The following GCA variants were observed in gnomAD, a reference collection of about 807,000 sequenced individuals.
GCA encodes grancalcin, also known as grancalcin, EF-hand calcium-binding protein.
Under a neutral mutation model 32.6 loss-of-function variants are expected in GCA, and 30 were observed. That is an observed-to-expected ratio of 0.92 (90% CI 0.69 to 1.25). GCA has a LOEUF of 1.25. GCA is among the 50% of genes most tolerant of loss of function. The probability of loss-of-function intolerance (pLI) is 0.00; values close to 1 mark genes in which losing one functional copy is unlikely to be tolerated. For missense variants in GCA, 291 were observed against 266.8 expected, an observed-to-expected ratio of 1.09 and a Z score of -0.63; for synonymous variants, 102 against 84.6, an observed-to-expected ratio of 1.21 and a Z score of -1.13.
At chr2:162,352,589 T>C (rs541206141) in intron 3 of GCA, among the ~76,000 whole-genome samples, 182 bp downstream of exon 3, 1 of 152,326 alleles carries the variant, frequency 6.6e-6, no homozygotes, top group African/African-American at 2.4e-5. Context: ...CCTGTCTCCT[T>C]AACATTAACT....
intron 1 of GCA, among the ~76,000 whole-genome samples, chr2:162,329,630 T>C (rs1279841616): frequency 1.3e-5 from 2 of 151,110 alleles, no homozygotes; most frequent in African/African-American, 4.8e-5. Context: ...ATATTTTTAA[T>C]GATAGGGATC....
At chr2:162,325,905 G>A (rs1237837045) in intron 1 of GCA, among the ~76,000 whole-genome samples, 1 of 152,170 alleles carries the variant, frequency 6.6e-6, no homozygotes, top group Non-Finnish European at 1.5e-5. Context: ...GGGAGACGGG[G>A]ACCTGGACCT....
intron 1 of GCA, among the ~76,000 whole-genome samples, chr2:162,328,758 T>G (rs1683977951): frequency 6.6e-6 from 1 of 152,258 alleles, no homozygotes; most frequent in African/African-American, 2.4e-5. Flanking sequence ...GAGGGCTTTC[T>G]GTATCTTGCG....
chr2:162,363,377 A>G (rs796512022), downstream of GCA, among the ~76,000 whole-genome samples: 19 of 151,538 alleles, frequency 1.3e-4, no homozygotes, highest in African/African-American at 4.1e-4. Context: ...AATCATTTAC[A>G]TAGTGAATTA....
chr2:162,333,214 C>T (rs1684156835), intron 1 of GCA, among the ~76,000 whole-genome samples: 1 of 151,962 alleles, frequency 6.6e-6, no homozygotes, highest in Admixed American at 6.6e-5. Context: ...GGGAAAGGGA[C>T]TTCAATTATA....
chr2:162,335,168 T>C (rs902256246), intron 1 of GCA, among the ~76,000 whole-genome samples: 6 of 152,128 alleles, frequency 3.9e-5, no homozygotes, highest in Non-Finnish European at 7.4e-5. Flanking sequence ...TCCTAGCACT[T>C]TGGGAGGCCA....
At chr2:162,320,834 A>T (rs535290881) in intron 1 of GCA, among the ~76,000 whole-genome samples, 1 of 152,338 alleles carries the variant, frequency 6.6e-6, no homozygotes, top group African/African-American at 2.4e-5. Flanking sequence ...TGACTAAAAA[A>T]TATGCAATGT....
At chr2:162,368,423 T>G (rs1268085822) in intron 4 of GCA, among the ~76,000 whole-genome samples, 1 of 151,994 alleles carries the variant, frequency 6.6e-6, no homozygotes, top group Non-Finnish European at 1.5e-5. Context: ...GAATATTTTT[T>G]TAAATCATGA....
intron 3 of GCA, among the ~76,000 whole-genome samples, chr2:162,354,268 G>A (rs1685145618): frequency 6.6e-6 from 1 of 152,232 alleles, no homozygotes; most frequent in Admixed American, 6.5e-5. Context: ...ATTTGGCTGG[G>A]CAGTTTTGTC....
chr2:162,374,472 G>A (rs185082145), downstream of GCA, among the ~76,000 whole-genome samples: 1 of 152,248 alleles, frequency 6.6e-6, no homozygotes, highest in African/African-American at 2.4e-5. Context: ...AGGAAATTTT[G>A]TGGACATAAG....
At chr2:162,351,564 A>G (rs1220974788) in intron 2 of GCA, among the ~76,000 whole-genome samples, 1 of 152,142 alleles carries the variant, frequency 6.6e-6, no homozygotes, top group African/African-American at 2.4e-5. Context: ...TGTTAATAAT[A>G]TTTCTTAGAA....
At chr2:162,320,277 C>T (rs1683616109) in intron 1 of GCA, among the ~76,000 whole-genome samples, 1 of 152,038 alleles carries the variant, frequency 6.6e-6, no homozygotes, top group Admixed American at 6.5e-5. Context: ...GACCTTGTAC[C>T]CAGATAGAGG....
rs953114377 is a variant in GCA, at chr2:162,360,929, T to C, written c.*686T>C. Reference sequence around the variant, plus strand: ...AAGTTCTTAATAAACATAGTATTTCTCTCTGCGTCCTATTTCATTAGTGAA... The same window carrying C: ...AAGTTCTTAATAAACATAGTATTTCCCTCTGCGTCCTATTTCATTAGTGAA... On this transcript the variant is annotated 3_prime_UTR_variant, in exon 8 of 8. Coordinates refer to ENST00000437150, the MANE Select transcript of GCA (RefSeq NM_012198.5). The C allele has an allele frequency of 7.0e-6, 8 of 1,150,562 alleles. No individual in the cohort carries two copies. Among genetic ancestry groups the C allele is most frequent in the Non-Finnish European group, 7.5e-6 (7 of 932,154 alleles). The allele number at this position is 1,150,562 out of a possible 1,614,324, so 71.3% of individuals were successfully genotyped here. A position where few individuals can be genotyped will look rare whatever the true frequency, so the allele number is the denominator to read the frequency against.
At chr2:162,373,736 A>AT, downstream of GCA, 1 of 1,013,870 alleles carries the variant, frequency 9.9e-7, no homozygotes, top group Non-Finnish European at 1.3e-6. Flanking sequence ...AAAAAATTTC[A>AT]GCACTACCAA....
intron 3 of GCA, among the ~76,000 whole-genome samples, chr2:162,355,120 C>T (rs1468256671): frequency 6.6e-6 from 1 of 152,166 alleles, no homozygotes; most frequent in African/African-American, 2.4e-5. Context: ...CTCACTCTGA[C>T]AGTTGTATAG....
intron 3 of GCA, among the ~76,000 whole-genome samples, chr2:162,355,809 T>G (rs1310409183): frequency 6.6e-6 from 1 of 151,984 alleles, no homozygotes; most frequent in East Asian, 1.9e-4. Context: ...TTACTTGGTC[T>G]ATTACAATAA....
In GCA at chr2:162,359,134, G is replaced by C; in HGVS notation, c.545G>C (p.Cys182Ser). The part of the protein sequence containing the change: ...RIFFDDYVAC[C>S]VKLRALTDFF... ...TTCTTTGATGATTATGTTGCTTGCT[G>C]TGTGAAGCTTCGAGCATTGACAGGT... The change falls in exon 6 of 8, where the codon TGT becomes TCT. Residue 182 changes from cysteine to serine, a missense_variant. Cys to Ser is a moderately radical substitution (Grantham distance 112). Coordinates refer to ENST00000437150, the MANE Select transcript of GCA (RefSeq NM_012198.5). 1 of 1,602,266 alleles carries C rather than the reference G, an allele frequency of 6.2e-7. No individual in the cohort carries two copies. The highest frequency in any genetic ancestry group is 1.1e-5 in the South Asian group (1 of 90,582).
chr2:162,362,278 C>A lies in GCA; in HGVS notation c.*2035C>A, dbSNP rs1243429843. The A allele has an allele frequency of 2.0e-6, 2 of 984,476 alleles. No homozygotes were observed. The highest frequency in any genetic ancestry group is 3.5e-5 in the African/African-American group (2 of 57,122). 61.0% of individuals were successfully genotyped at this position (984,476 alleles called of 1,614,324 possible). A position where few individuals can be genotyped will look rare whatever the true frequency, so the allele number is the denominator to read the frequency against. ...AACCCCTTTCTCTAGCAAAACCTAA[C>A]ATTCTATGCCGATCCAACTTAATTG... On this transcript the variant is annotated 3_prime_UTR_variant, in exon 8 of 8. Transcript: ENST00000437150.
chr2:162,368,255 T>C (rs899631748), intron 4 of GCA, among the ~76,000 whole-genome samples: 7 of 151,738 alleles, frequency 4.6e-5, no homozygotes, highest in Admixed American at 3.3e-4. Flanking sequence ...TAGAAACATA[T>C]TTGTTTTACT....
Sources: gnomAD v4.1 joint callset for allele counts (sites outside exome capture counted in the v4.1 genomes callset) on GRCh38, gnomAD v4.1.1 for gene constraint, MANE v1.5 for transcripts, NCBI Gene and HGNC (gene_info 2026-07-23, HGNC 2026-07-21) for gene names.